The following GTF2A1 variants were observed in gnomAD, a reference collection of about 807,000 sequenced individuals.
GTF2A1 encodes the protein general transcription factor IIA subunit 1, also known as transcription initiation factor IIA subunit 1.
A neutral mutation model predicts 54.1 loss-of-function variants in GTF2A1; 12 were observed. The ratio of observed to expected loss-of-function variants is 0.22; its 90% CI spans 0.14 to 0.36. The LOEUF (loss-of-function observed/expected upper bound fraction) is 0.36, where lower values mean the gene tolerates loss of function less well. Among genes scored for constraint, GTF2A1 ranks in the 10% least tolerant of loss-of-function variants. GTF2A1 has a pLI of 1.00. For missense variants in GTF2A1, 335 were observed against 442.2 expected, an observed-to-expected ratio of 0.76 and a Z score of 2.17; for synonymous variants, 145 against 152.0, an observed-to-expected ratio of 0.95 and a Z score of 0.34.
chr14:81,216,519 A>T lies in GTF2A1; in HGVS notation c.31-5T>A, dbSNP rs902601094. The T allele has an allele frequency of 5.3e-6, 7 of 1,313,622 alleles. No individual in the cohort carries two copies. In the African/African-American group the frequency reaches 8.8e-5, roughly 16 times the overall value. 81.4% of individuals were successfully genotyped at this position (1,313,622 alleles called of 1,614,324 possible). On this transcript the variant is annotated splice_region_variant and splice_polypyrimidine_tract_variant and intron_variant, in intron 1 of 8. Transcript: ENST00000553612. Reference sequence around the variant, plus strand: ...CACAGATCTGTATAATTTAGGCTTTAAAGGAAAAATAAAAGACTTGAAAAA... The same window carrying T: ...CACAGATCTGTATAATTTAGGCTTTTAAGGAAAAATAAAAGACTTGAAAAA...
At chr14:81,195,135 CAAAAA>C (rs749038152) in intron 6 of GTF2A1, among the ~76,000 whole-genome samples, 3 of 61,276 alleles carry the variant, frequency 4.9e-5, no homozygotes, top group African/African-American at 9.9e-5. Flanking sequence ...GACTCTGTCT[CAAAAA>C]AAAAAAAAAA....
At chr14:81,198,028 T>C (rs1893027188) in intron 4 of GTF2A1, among the ~76,000 whole-genome samples, 1 of 152,194 alleles carries the variant, frequency 6.6e-6, no homozygotes, top group Middle Eastern at 3.2e-3. Context: ...AAGACTTCAC[T>C]GGGAGTACAG....
rs540143040 is a variant in GTF2A1 at position 81,219,150 on chromosome 14, G to A, written c.30+1339C>T. Among the ~76,000 whole-genome samples the A allele has an allele frequency of 1.7e-4, 26 of 152,120 alleles. No individual in the cohort carries two copies. The South Asian group carries it at 4.6e-3, about 27-fold the overall frequency. On this transcript the variant is annotated intron_variant, in intron 1 of 8. Transcript: ENST00000553612. ...AATTTTGAAAATTGTAAACAAAAAG[G>A]GACAGCGATTCGGATATATTCCCCC...
rs1893620918 is a variant in GTF2A1 at position 81,220,759 on chromosome 14, A to G, written c.-241T>C. The G allele has an allele frequency of 2.6e-6, 1 of 380,378 alleles. No homozygotes were observed. Among genetic ancestry groups the G allele is most frequent in the Non-Finnish European group, 4.6e-6 (1 of 215,320 alleles). The allele number at this position is 380,378 out of a possible 1,614,324, so 23.6% of individuals were successfully genotyped here. A position where few individuals can be genotyped will look rare whatever the true frequency, so the allele number is the denominator to read the frequency against. On this transcript the variant is annotated 5_prime_UTR_variant, in exon 1 of 9. Coordinates refer to ENST00000553612, the MANE Select transcript of GTF2A1 (RefSeq NM_015859.4). The stretch of plus-strand genomic sequence containing the variant: ...CCTTAAAAAAAAAAAAAAAGCCACG[A>G]CCCTTCAGGGGTCCGGGGGGCGTTG...
rs1164316859 is a variant in GTF2A1, at chr14:81,186,261, G to A, written c.934-641C>T. Among the ~76,000 whole-genome samples the A allele has an allele frequency of 3.3e-5, 5 of 152,296 alleles. No individual in the cohort carries two copies. In the South Asian group the frequency reaches 8.3e-4, roughly 25 times the overall value. On this transcript the variant is annotated intron_variant, in intron 7 of 8. Transcript: ENST00000553612. ...AATATGAAGGTTCAAAAGAGCTAAT[G>A]GCACTATGTACTACAAATCATATAA...
intron 7 of GTF2A1, among the ~76,000 whole-genome samples, chr14:81,186,722 G>T (rs1360320488): frequency 6.6e-6 from 1 of 152,120 alleles, no homozygotes; most frequent in Non-Finnish European, 1.5e-5. Context: ...GCCTAGGCGG[G>T]ACAATCACTT....
rs777010225 is a variant in GTF2A1 at position 81,192,642 on chromosome 14, G to A, written c.810C>T (p.Val270=). 6 of 1,613,870 alleles carry A rather than the reference G, an allele frequency of 3.7e-6. No individual in the cohort carries two copies. Among genetic ancestry groups the A allele is most frequent in the Non-Finnish European group, 5.1e-6 (6 of 1,179,770 alleles). The change falls in exon 7 of 9, where the codon GTC becomes GTT. Residue 270 remains valine, a synonymous_variant. Transcript: ENST00000553612. ...AQPAQTQAPL[V]LQVDGTGDTS... is the part of the protein sequence containing the mutation. The stretch of plus-strand genomic sequence containing the variant: ...TATCCCCAGTTCCATCAACTTGTAA[G>A]ACCAATGGAGCTTGTGTTTGAGCAG...
chr14:81,198,406 T>C (rs941214295), intron 4 of GTF2A1, among the ~76,000 whole-genome samples: 1 of 152,230 alleles, frequency 6.6e-6, no homozygotes, highest in African/African-American at 2.4e-5. Context: ...ATTGTGCCAC[T>C]GCACTCCAGC....
At chr14:81,190,916 A>C (rs938500346) in intron 7 of GTF2A1, among the ~76,000 whole-genome samples, 7 of 152,170 alleles carry the variant, frequency 4.6e-5, no homozygotes, top group Admixed American at 3.9e-4. Context: ...TGGCTGGTTC[A>C]AGGATGAATA....
At position 81,180,040 on chromosome 14, in the gene GTF2A1, T is replaced by C. The variant is rs1892607272; in HGVS notation, c.*183A>G. On this transcript the variant is annotated 3_prime_UTR_variant, in exon 9 of 9. Transcript: ENST00000553612. Reference sequence around the variant, plus strand: ...AAAAACCCTAGGTGCTACAGTTCCATGGCTTGCCAGTAAGTAGTGTCTATG... The same window carrying C: ...AAAAACCCTAGGTGCTACAGTTCCACGGCTTGCCAGTAAGTAGTGTCTATG... The C allele has an allele frequency of 6.6e-6, 1 of 152,114 alleles. No homozygotes were observed. The highest frequency in any genetic ancestry group is 1.4e-4 in the South Asian group (1 of 7,050). 9.4% of individuals were successfully genotyped at this position (152,114 alleles called of 1,614,324 possible).
chr14:81,183,260 A>ATCTT (rs1892676335), intron 8 of GTF2A1, among the ~76,000 whole-genome samples: 1 of 152,124 alleles, frequency 6.6e-6, no homozygotes, highest in Non-Finnish European at 1.5e-5. Flanking sequence ...TTGAATTCCT[A>ATCTT]TAAAGTATTA....
Position 81,179,873 on chromosome 14 carries a change from T to C in GTF2A1, c.*350A>G, listed in dbSNP as rs1892603088. 1 of 160,868 alleles carries C rather than the reference T, an allele frequency of 6.2e-6. No homozygotes were observed. Among genetic ancestry groups the C allele is most frequent in the African/African-American group, 2.4e-5 (1 of 41,836 alleles). The allele number at this position is 160,868 out of a possible 1,614,324, so 10.0% of individuals were successfully genotyped here. On this transcript the variant is annotated 3_prime_UTR_variant, in exon 9 of 9. Transcript: ENST00000553612. Reference sequence around the variant, plus strand: ...TCAAAAGGGAAGTTTCTTCAGTTCATTCCAACAAGTATCTTCTGATTGAAC... The same window carrying C: ...TCAAAAGGGAAGTTTCTTCAGTTCACTCCAACAAGTATCTTCTGATTGAAC...
intron 8 of GTF2A1, among the ~76,000 whole-genome samples, chr14:81,183,526 T>C (rs1215224840): frequency 6.6e-6 from 1 of 152,214 alleles, no homozygotes; most frequent in Non-Finnish European, 1.5e-5. Context: ...TAATAAATGG[T>C]AAATATTTTT....
At chr14:81,208,426 A>G (rs1239489841) in intron 2 of GTF2A1, among the ~76,000 whole-genome samples, 1 of 152,210 alleles carries the variant, frequency 6.6e-6, no homozygotes, top group African/African-American at 2.4e-5. Flanking sequence ...TGCCCAAGCA[A>G]AAGTCTGCTA....
chr14:81,182,127 A>G (rs969023968), intron 8 of GTF2A1, among the ~76,000 whole-genome samples: 1 of 152,138 alleles, frequency 6.6e-6, no homozygotes, highest in African/African-American at 2.4e-5. Context: ...TCAATCAAAC[A>G]ACCTTCATCT....
At position 81,178,735 on chromosome 14, in the gene GTF2A1, G is replaced by A. The variant is rs1166859837; in HGVS notation, c.*1488C>T. On this transcript the variant is annotated 3_prime_UTR_variant, in exon 9 of 9. Transcript: ENST00000553612. ...ACTTCTGAAAACACAAAGGCAAAAGGAAGACAAAAACTGAAGATTAAAAAA... is the reference window on the plus strand; with the variant it reads ...ACTTCTGAAAACACAAAGGCAAAAGAAAGACAAAAACTGAAGATTAAAAAA... The A allele has an allele frequency of 6.6e-6, 1 of 152,074 alleles. No individual in the cohort carries two copies. Among genetic ancestry groups the A allele is most frequent in the Non-Finnish European group, 1.5e-5 (1 of 68,002 alleles). The allele number at this position is 152,074 out of a possible 1,614,324, so 9.4% of individuals were successfully genotyped here. A position where few individuals can be genotyped will look rare whatever the true frequency, so the allele number is the denominator to read the frequency against.
chr14:81,215,012 A>C (rs1258344456), intron 2 of GTF2A1, among the ~76,000 whole-genome samples: 1 of 152,260 alleles, frequency 6.6e-6, no homozygotes. Flanking sequence ...ACAATGCAGA[A>C]TATGAAACCA....
At chr14:81,189,224 T>C (rs1466517584) in intron 7 of GTF2A1, among the ~76,000 whole-genome samples, 1 of 152,146 alleles carries the variant, frequency 6.6e-6, no homozygotes, top group African/African-American at 2.4e-5. Context: ...TGATCATAAA[T>C]GGTTCAACTC....
In GTF2A1 at chr14:81,204,018, C is replaced by T. The variant is rs763869018; in HGVS notation, c.219G>A (p.Gln73=). The T allele has an allele frequency of 1.2e-6, 2 of 1,613,740 alleles. No individual in the cohort carries two copies. Among genetic ancestry groups the T allele is most frequent in the Non-Finnish European group, 1.7e-6 (2 of 1,179,742 alleles). ...EQQLLLQVQQ[Q]HQPQQQQHHH... ...GATGCTGCTGCTGCTGGGGTTGATG[C>T]TGCTGTTGAACTTGCAGTAGAAGCT... Residue 73 remains glutamine (Q), a synonymous_variant, in exon 3 of 9, where the codon CAG becomes CAA. Transcript: ENST00000553612.
Sources: allele counts gnomAD v4.1 joint callset (sites outside exome capture counted in the v4.1 genomes callset), GRCh38; gene constraint gnomAD v4.1.1; transcripts MANE v1.5; gene names NCBI Gene and HGNC (gene_info 2026-07-23, HGNC 2026-07-21).